Variants in TBPL2 observed in about 807,000 individuals in gnomAD.
TBPL2 encodes the protein TATA box-binding protein-like 2.
In TBPL2, 40 loss-of-function variants were observed where a neutral mutation model predicts 38.2. The observed-to-expected ratio is 1.05, with a 90% CI of 0.81 to 1.36. The LOEUF (loss-of-function observed/expected upper bound fraction) is 1.36. TBPL2 is among the 40% of genes most tolerant of loss of function. TBPL2 has a pLI of 0.00. For synonymous variants in TBPL2, 169 were observed against 171.7 expected, an observed-to-expected ratio of 0.98 and a Z score of 0.12; for missense variants, 461 against 456.7, an observed-to-expected ratio of 1.01 and a Z score of -0.09.
chr14:55,416,491 C>A (rs1370694548), intron 6 of TBPL2, among the ~76,000 whole-genome samples: 1 of 151,902 alleles, frequency 6.6e-6, no homozygotes, highest in African/African-American at 2.4e-5. Flanking sequence ...TTATTCATTG[C>A]CAAAAAGTTT....
chr14:55,426,608 T>A (rs1340330286), intron 5 of TBPL2, among the ~76,000 whole-genome samples: 1 of 151,738 alleles, frequency 6.6e-6, no homozygotes, highest in African/African-American at 2.4e-5. Context: ...GGAGTTGTAA[T>A]CCATAACCTG....
At chr14:55,439,715 G>T (rs1323894438) in intron 1 of TBPL2, among the ~76,000 whole-genome samples, 2 of 151,592 alleles carry the variant, frequency 1.3e-5, no homozygotes, top group East Asian at 3.9e-4. Flanking sequence ...TGGATCACGA[G>T]GTCAGGAGAT....
At chr14:55,438,283 G>T (rs1265138901) in intron 1 of TBPL2, among the ~76,000 whole-genome samples, 2 of 152,180 alleles carry the variant, frequency 1.3e-5, no homozygotes, top group Non-Finnish European at 2.9e-5. Context: ...GCAGGTGGCA[G>T]GGGTGACTAA....
At chr14:55,429,980 T>A (rs1251436552) in intron 4 of TBPL2, among the ~76,000 whole-genome samples, 4 of 152,036 alleles carry the variant, frequency 2.6e-5, no homozygotes, top group African/African-American at 9.7e-5. Flanking sequence ...TCACCCAATC[T>A]TCAATTCAAT....
intron 5 of TBPL2, among the ~76,000 whole-genome samples, chr14:55,427,725 G>A (rs1020878751): frequency 5.9e-5 from 9 of 152,032 alleles, no homozygotes; most frequent in Admixed American, 1.3e-4. Flanking sequence ...GGGCGGGGGA[G>A]GAGCACTAGC....
At chr14:55,434,153 T>A (rs1267267046) in intron 3 of TBPL2, among the ~76,000 whole-genome samples, 1 of 152,100 alleles carries the variant, frequency 6.6e-6, no homozygotes, top group African/African-American at 2.4e-5. Context: ...GGGAAAAAAA[T>A]AAGTATGTTA....
chr14:55,424,380 A>G, intron 5 of TBPL2, 127 bp from the exon 6 acceptor site: 1 of 570,724 alleles, frequency 1.8e-6, no homozygotes, highest in East Asian at 2.8e-5. Context: ...TTTATCAAAA[A>G]CTTTTTAACT....
rs748226966 is a variant in TBPL2 at position 55,436,620 on chromosome 14, T to C, written c.549A>G (p.Ile183Met). The change falls in exon 2 of 7, where the codon ATA (isoleucine) becomes ATG (methionine). Residue 183 changes from isoleucine to methionine, a missense_variant. Ile to Met is a conservative substitution (Grantham distance 10). Coordinates refer to ENST00000247219, the Ensembl canonical transcript of TBPL2. ...TAGGGGTCATTGGTGTCATGGGAGTTATGGATGCCAGAGACAAGGAGTCGG... is the reference window on the plus strand; with the variant it reads ...TAGGGGTCATTGGTGTCATGGGAGTCATGGATGCCAGAGACAAGGAGTCGG... 13 of 1,614,076 alleles carry C rather than the reference T, an allele frequency of 8.1e-6. No homozygotes were observed. In the Admixed American group the frequency reaches 8.3e-5, roughly 10 times the overall value.
At chr14:55,422,714 A>G (rs1885763426) in intron 6 of TBPL2, among the ~76,000 whole-genome samples, 1 of 151,786 alleles carries the variant, frequency 6.6e-6, no homozygotes, top group African/African-American at 2.4e-5. Flanking sequence ...TTAGCTGGGC[A>G]TGGTGGCATG....
exon 7 of TBPL2, chr14:55,414,316 G>A: frequency 8.1e-7 from 1 of 1,239,092 alleles, no homozygotes; most frequent in Non-Finnish European, 1.2e-6. Flanking sequence ...GAATCCAGCT[G>A]TTTCTGTGCT....
At chr14:55,440,335 C>G in intron 1 of TBPL2, 61 bp downstream of exon 1, 1 of 1,597,544 alleles carries the variant, frequency 6.3e-7, no homozygotes, top group South Asian at 1.1e-5. Flanking sequence ...AAGGCAAAGC[C>G]CTTGGCACAG....
chr14:55,432,838 TC>T (rs766896928), intron 4 of TBPL2, among the ~76,000 whole-genome samples: 4 of 152,132 alleles, frequency 2.6e-5, no homozygotes, highest in African/African-American at 4.8e-5. Flanking sequence ...AGAATACCCA[TC>T]AACACAGGGC....
At chr14:55,435,046 A>G (rs1292431663) in intron 3 of TBPL2, among the ~76,000 whole-genome samples, 1 of 152,240 alleles carries the variant, frequency 6.6e-6, no homozygotes, top group Non-Finnish European at 1.5e-5. Flanking sequence ...AGGATACAAG[A>G]AAGAATAGAT....
intron 5 of TBPL2, 145 bp downstream of exon 5, chr14:55,428,662 A>T: frequency 1.2e-6 from 1 of 841,800 alleles, no homozygotes; most frequent in South Asian, 1.9e-5. Flanking sequence ...GAACTCAGGC[A>T]TAGCATCTTA....
At chr14:55,440,356 G>T in intron 1 of TBPL2, 40 bp downstream of exon 1, 3 of 1,611,824 alleles carry the variant, frequency 1.9e-6, no homozygotes, top group Non-Finnish European at 2.5e-6. Context: ...GACCGGGCGG[G>T]ACTTGGGTCC....
intron 6 of TBPL2, among the ~76,000 whole-genome samples, chr14:55,417,535 C>T (rs1162682671): frequency 1.3e-5 from 2 of 151,254 alleles, no homozygotes; most frequent in Non-Finnish European, 2.9e-5. Context: ...CTCACTGCAA[C>T]CTCTGCCTCC....
intron 6 of TBPL2, among the ~76,000 whole-genome samples, chr14:55,421,254 T>C (rs1417135069): frequency 6.6e-6 from 1 of 151,814 alleles, no homozygotes; most frequent in Non-Finnish European, 1.5e-5. Context: ...TGTGTTTCCC[T>C]AAGTAGGGTA....
intron 6 of TBPL2, among the ~76,000 whole-genome samples, chr14:55,415,520 A>G (rs1412602095): frequency 2.0e-5 from 3 of 152,174 alleles, no homozygotes. Context: ...CACTATTCAC[A>G]CTTGCCAAAA....
At chr14:55,432,798 CA>C (rs1885953012) in intron 4 of TBPL2, among the ~76,000 whole-genome samples, 2 of 152,188 alleles carry the variant, frequency 1.3e-5, no homozygotes, top group South Asian at 4.1e-4. Flanking sequence ...CAGGAGAAAA[CA>C]GGCTCTGCCA....
Sources: allele counts gnomAD v4.1 joint callset (sites outside exome capture counted in the v4.1 genomes callset), GRCh38; gene constraint gnomAD v4.1.1; transcripts MANE v1.5; gene names NCBI Gene and HGNC (gene_info 2026-07-23, HGNC 2026-07-21).